ELMO2: variants seen among roughly 807,000 people sequenced by gnomAD.
The protein encoded by ELMO2 is engulfment and cell motility protein 2.
ELMO2 carries 37 observed loss-of-function variants against 96.2 expected under a neutral mutation model. The ratio of observed to expected loss-of-function variants is 0.38; its 90% confidence interval spans 0.30 to 0.51. The LOEUF is 0.51. Ranked by LOEUF, ELMO2 falls within the 20% of genes least tolerant of loss-of-function variation. The probability of loss-of-function intolerance (pLI) is 0.88; values close to 1 mark genes in which losing one functional copy is unlikely to be tolerated. For missense variants in ELMO2, 561 were observed against 912.6 expected (o/e 0.61, Z 4.96); for synonymous variants, 315 against 329.4 (o/e 0.96, Z 0.47).
intron 21 of ELMO2, among the ~76,000 whole-genome samples, 193 bp downstream of exon 21, chr20:46,368,698 C>T (rs1233854843): frequency 6.6e-6 from 1 of 152,168 alleles, no homozygotes; most frequent in Non-Finnish European, 1.5e-5. Context: ...TCTGGGTGCC[C>T]CCCCAACCAC....
rs1165022748 is a variant in ELMO2 at position 46,367,472 on chromosome 20, C to T, written c.2051G>A (p.Ser684Asn). 1 of 1,613,750 alleles carries T rather than the reference C, an allele frequency of 6.2e-7. No homozygotes were observed. Among genetic ancestry groups the T allele is most frequent in the Non-Finnish European group, 8.5e-7 (1 of 1,179,936 alleles). The change falls in exon 22 of 22, where the codon AGC becomes AAC. Residue 684 changes from serine to asparagine, a missense_variant. Coordinates refer to ENST00000290246, the MANE Select transcript of ELMO2 (RefSeq NM_133171.5). ...LTKSDLDTLL[S>N]MEMKLRLLDL... is the part of the protein sequence containing the mutation. Reference sequence around the variant, plus strand: ...CAGGAGCCGCAGCTTCATCTCCATGCTCAGCAGGGTGTCCAGGTCACTCTT... The same window carrying T: ...CAGGAGCCGCAGCTTCATCTCCATGTTCAGCAGGGTGTCCAGGTCACTCTT...
At chr20:46,390,526 A>G (rs771172151) in intron 6 of ELMO2, among the ~76,000 whole-genome samples, 8 of 152,218 alleles carry the variant, frequency 5.3e-5, no homozygotes, top group Non-Finnish European at 7.3e-5. Context: ...TAGCACATGA[A>G]CTTTTCCTAG....
Position 46,367,537 on chromosome 20 carries a change from G to A in ELMO2, c.1986C>T (p.Leu662=). ...KYEYCIWIDG[L]SALLGKDMSS... ...ACATGTCCTTCCCCAGAAGGGCACT[G>A]AGGCCATCAATCCAGATGCAGTACT... The change falls in exon 22 of 22, where the codon CTC becomes CTT. Residue 662 remains leucine (L), a synonymous_variant. Transcript: ENST00000290246. The A allele has an allele frequency of 6.2e-7, 1 of 1,613,412 alleles. No individual in the cohort carries two copies. Among genetic ancestry groups the A allele is most frequent in the South Asian group, 1.1e-5 (1 of 90,978 alleles).
intron 11 of ELMO2, chr20:46,376,828 G>A: frequency 1.0e-5 from 13 of 1,280,642 alleles, no homozygotes; most frequent in Non-Finnish European, 1.3e-5. Flanking sequence ...GGGCTGTGCT[G>A]TCCAGTATAG....
intron 1 of ELMO2, among the ~76,000 whole-genome samples, chr20:46,402,843 G>C (rs947612500): frequency 5.3e-5 from 8 of 152,232 alleles, no homozygotes; most frequent in African/African-American, 1.7e-4. Context: ...AGCCTTTCTG[G>C]ACCTCAGGTC....
chr20:46,376,990 A>G (rs2059872462), intron 11 of ELMO2: 1 of 366,996 alleles, frequency 2.7e-6, no homozygotes, highest in African/African-American at 2.1e-5. Context: ...GAACACTTCC[A>G]TTAACAGAGT....
chr20:46,406,389 G>A (rs365819), intron 1 of ELMO2, among the ~76,000 whole-genome samples, 159 bp downstream of exon 1: 61,715 of 152,022 alleles, frequency 0.41, 15,534 homozygotes, highest in African/African-American at 0.72. Context: ...GGCCTGACGA[G>A]CCGGCGCGGT....
At chr20:46,395,060 T>G (rs1321831287) in intron 2 of ELMO2, among the ~76,000 whole-genome samples, 10 of 152,044 alleles carry the variant, frequency 6.6e-5, no homozygotes, top group African/African-American at 1.4e-4. Flanking sequence ...ATGCAAAGCC[T>G]CCTCTGTGTG....
intron 1 of ELMO2, among the ~76,000 whole-genome samples, chr20:46,405,561 G>A (rs761334676): frequency 3.3e-5 from 5 of 152,016 alleles, no homozygotes; most frequent in African/African-American, 4.8e-5. Context: ...TGGGACGCCG[G>A]GCCAGTTTCA....
chr20:46,380,571 G>A (rs2059937851), intron 10 of ELMO2, among the ~76,000 whole-genome samples: 1 of 152,216 alleles, frequency 6.6e-6, no homozygotes, highest in Non-Finnish European at 1.5e-5. Flanking sequence ...TCTTCAAAGA[G>A]AGATGAGGAC....
chr20:46,405,701 C>T (rs1432477994), intron 1 of ELMO2, among the ~76,000 whole-genome samples: 2 of 152,200 alleles, frequency 1.3e-5, no homozygotes, highest in Admixed American at 6.5e-5. Context: ...CAGCCTAACA[C>T]GGTGAAACCC....
rs373492045 is a variant in ELMO2, at chr20:46,386,164, C to A, written c.637G>T (p.Glu213Ter). Residue 213 changes from glutamate to a stop codon, truncating the protein, a stop_gained, in exon 9 of 22, where the codon GAG becomes TAG. Transcript: ENST00000290246. LOFTEE classifies it high-confidence loss of function. The part of the protein sequence containing the change: ...NSQSLYQKIA[E>*]EITVGQLISH... ...ATGAGCTGTCCCACGGTGATTTCCT[C>A]GGCTATCTTCTGGTACAGACTCTGG... The A allele has an allele frequency of 2.5e-6, 4 of 1,614,010 alleles. No homozygotes were observed.
At chr20:46,396,773 C>G (rs1406889899) in intron 2 of ELMO2, among the ~76,000 whole-genome samples, 2 of 152,170 alleles carry the variant, frequency 1.3e-5, no homozygotes, top group African/African-American at 2.4e-5. Context: ...GCCTCAGGAC[C>G]CAATCCTAGG....
intron 21 of ELMO2, 40 bp from the exon 22 acceptor site, chr20:46,367,600 T>C: frequency 6.5e-7 from 1 of 1,536,458 alleles, no homozygotes; most frequent in Admixed American, 1.9e-5. Flanking sequence ...TCGTGACCCC[T>C]GGTCAGCAGG....
At chr20:46,390,292 G>A (rs570726294) in intron 6 of ELMO2, among the ~76,000 whole-genome samples, 1 of 152,220 alleles carries the variant, frequency 6.6e-6, no homozygotes, top group South Asian at 2.1e-4. Context: ...CGCTGTAGAA[G>A]GGATTCTTGC....
At chr20:46,394,162 G>T in intron 3 of ELMO2, 73 bp from the exon 4 acceptor site, 1 of 1,385,808 alleles carries the variant, frequency 7.2e-7, no homozygotes, top group Non-Finnish European at 1.0e-6. Context: ...CAAGAGGCCT[G>T]CCAAGCAGGG....
intron 6 of ELMO2, among the ~76,000 whole-genome samples, chr20:46,389,816 T>C (rs1371776326): frequency 2.6e-5 from 4 of 152,056 alleles, no homozygotes; most frequent in Admixed American, 2.6e-4. Flanking sequence ...ACCACTGCAC[T>C]GCAGCCCGGG....
At chr20:46,386,574 AG>A (rs1177866581) in intron 8 of ELMO2, among the ~76,000 whole-genome samples, 1 of 152,240 alleles carries the variant, frequency 6.6e-6, no homozygotes. Flanking sequence ...AAAAAAGCAG[AG>A]GATTTTACTG....
intron 7 of ELMO2, among the ~76,000 whole-genome samples, chr20:46,388,085 T>G (rs1475838261): frequency 6.6e-6 from 1 of 152,242 alleles, no homozygotes; most frequent in East Asian, 1.9e-4. Context: ...TGCTCTAGAA[T>G]TAACAGATGA....
Sources: allele counts gnomAD v4.1 joint callset (sites outside exome capture counted in the v4.1 genomes callset), GRCh38; gene constraint gnomAD v4.1.1; transcripts MANE v1.5; gene names NCBI Gene and HGNC (gene_info 2026-07-23, HGNC 2026-07-21).